The following AMPH variants were observed in gnomAD, a reference collection of about 807,000 sequenced individuals.
AMPH encodes amphiphysin, also known as amphiphysin (Stiff-Mann syndrome with breast cancer 128kD autoantigen).
In AMPH, 49 loss-of-function variants were observed where a neutral mutation model predicts 99.1. The ratio of observed to expected loss-of-function variants is 0.49; its 90% CI spans 0.39 to 0.63. The LOEUF (loss-of-function observed/expected upper bound fraction) is 0.63. AMPH is among the 20% of genes least tolerant of loss of function. The pLI, the probability that AMPH is intolerant of heterozygous loss-of-function variation, is 0.00. For synonymous variants in AMPH, 314 were observed against 317.3 expected, an observed-to-expected ratio of 0.99 and a Z score of 0.11; for missense variants, 759 against 863.4, an observed-to-expected ratio of 0.88 and a Z score of 1.52.
chr7:38,475,365 C>T lies in AMPH; in HGVS notation c.556G>A (p.Asp186Asn), dbSNP rs1364838408. 1 of 1,613,238 alleles carries T rather than the reference C, an allele frequency of 6.2e-7. No homozygotes were observed. The highest frequency in any genetic ancestry group is 8.5e-7 in the Non-Finnish European group (1 of 1,179,554). The change falls in exon 7 of 21, where the codon GAC becomes AAC. Residue 186 changes from aspartate to asparagine, a missense_variant. This residue lies in a region of AMPH where 205 missense variants were observed against 287.9 expected (regional missense o/e 0.71). Coordinates refer to ENST00000356264, the MANE Select transcript of AMPH (RefSeq NM_001635.4). ...AQKVFEEFNV[D>N]LQEELPSLWS... The stretch of plus-strand genomic sequence containing the variant: ...AATGATGGTAACTCTTCTTGTAAGT[C>T]AACGTTAAACTCTTCAAACACTTTC...
intron 6 of AMPH, among the ~76,000 whole-genome samples, chr7:38,475,954 T>C (rs1362396705): frequency 1.3e-5 from 2 of 152,226 alleles, no homozygotes; most frequent in Non-Finnish European, 2.9e-5. Flanking sequence ...GAATTCCAGC[T>C]TACCATGTGA....
intron 17 of AMPH, among the ~76,000 whole-genome samples, chr7:38,410,163 T>TAA (rs1185274415): frequency 1.3e-5 from 2 of 152,238 alleles, no homozygotes; most frequent in Non-Finnish European, 2.9e-5. Context: ...TGCCTGCTGT[T>TAA]ACACCTCAAA....
In AMPH at chr7:38,429,841, C is replaced by T. The variant is rs1450673584; in HGVS notation, c.1182+1G>A. 1.2e-6 allele frequency: 2 copies of T among 1,605,154 alleles called. No individual in the cohort carries two copies. Among genetic ancestry groups the T allele is most frequent in the Non-Finnish European group, 1.7e-6 (2 of 1,177,890 alleles). On this transcript the variant is annotated splice_donor_variant, in intron 14 of 20. Transcript: ENST00000356264. LOFTEE classifies it high-confidence loss of function. ...CCAGAATGATCTGGATATTTACCTA[C>T]CGGCTGTACCAAATCAGTGCTTGTC...
chr7:38,548,871 G>A (rs780958671), intron 1 of AMPH, among the ~76,000 whole-genome samples: 8 of 150,708 alleles, frequency 5.3e-5, no homozygotes, highest in African/African-American at 9.7e-5. Flanking sequence ...CTTTTATTAC[G>A]CAGTTGAGTT....
chr7:38,399,581 T>G (rs939969809), intron 17 of AMPH, among the ~76,000 whole-genome samples: 4 of 152,254 alleles, frequency 2.6e-5, no homozygotes, highest in Admixed American at 6.5e-5. Context: ...GCATTTCAAT[T>G]TGTTAGCTAT....
At chr7:38,484,804 AAC>A (rs150952071) in intron 5 of AMPH, among the ~76,000 whole-genome samples, 3,918 of 152,078 alleles carry the variant, frequency 0.026, 74 homozygotes, top group Admixed American at 0.054. Flanking sequence ...TATTTATGGA[AAC>A]ACAATATAAA....
Position 38,465,528 on chromosome 7 carries a change from C to T in AMPH, c.688G>A (p.Val230Met). 1 of 1,584,460 alleles carries T rather than the reference C, an allele frequency of 6.3e-7. No individual in the cohort carries two copies. The highest frequency in any genetic ancestry group is 1.2e-5 in the South Asian group (1 of 86,696). ...IAVLCHKLYE[V>M]MTKLGDQHAD... ...TGCTGGTCACCCAGTTTTGTCATCA[C>T]TTCATACAGTTTGTGGCAAAGCTAA... The change falls in exon 9 of 21, where the codon GTG becomes ATG. Residue 230 changes from valine to methionine, a missense_variant. Transcript: ENST00000356264.
intron 1 of AMPH, among the ~76,000 whole-genome samples, chr7:38,566,291 C>A (rs1399345795): frequency 7.3e-6 from 1 of 136,734 alleles, no homozygotes; most frequent in African/African-American, 2.7e-5. Context: ...TTAATGTCTT[C>A]TTTTGTCTTG....
intron 1 of AMPH, among the ~76,000 whole-genome samples, chr7:38,592,526 G>A (rs1792892581): frequency 6.6e-6 from 1 of 152,156 alleles, no homozygotes; most frequent in East Asian, 1.9e-4. Flanking sequence ...GAGGTCAGGA[G>A]CTCAAACCAG....
At chr7:38,592,163 C>T (rs1792881231) in intron 1 of AMPH, among the ~76,000 whole-genome samples, 1 of 152,256 alleles carries the variant, frequency 6.6e-6, no homozygotes, top group Non-Finnish European at 1.5e-5. Context: ...GCACAGATCG[C>T]TCATGCTATT....
intron 2 of AMPH, among the ~76,000 whole-genome samples, chr7:38,510,029 C>A (rs950688766): frequency 6.6e-6 from 1 of 152,180 alleles, no homozygotes; most frequent in Non-Finnish European, 1.5e-5. Context: ...TAATCAACAG[C>A]CAGAATGTTT....
chr7:38,582,870 G>C (rs1792515516), intron 1 of AMPH, among the ~76,000 whole-genome samples: 1 of 152,148 alleles, frequency 6.6e-6, no homozygotes, highest in African/African-American at 2.4e-5. Flanking sequence ...ATTTATTCAG[G>C]GCCGGATGTC....
chr7:38,575,594 C>T (rs1323920915), intron 1 of AMPH, among the ~76,000 whole-genome samples: 1 of 152,130 alleles, frequency 6.6e-6, no homozygotes, highest in Non-Finnish European at 1.5e-5. Flanking sequence ...TTCATTTAAA[C>T]CTCTCCTTCC....
chr7:38,629,332 C>T (rs1180462212), intron 1 of AMPH, among the ~76,000 whole-genome samples: 2 of 152,190 alleles, frequency 1.3e-5, no homozygotes, highest in African/African-American at 2.4e-5. Flanking sequence ...AGTGTTTGAA[C>T]CTCTATACTA....
intron 7 of AMPH, among the ~76,000 whole-genome samples, chr7:38,470,153 C>A (rs894265737): frequency 6.6e-6 from 1 of 152,178 alleles, no homozygotes; most frequent in Non-Finnish European, 1.5e-5. Flanking sequence ...CCCCACATAT[C>A]TTCAGTCCTA....
chr7:38,596,393 C>T (rs978610048), intron 1 of AMPH, among the ~76,000 whole-genome samples: 4 of 151,982 alleles, frequency 2.6e-5, no homozygotes, highest in South Asian at 2.1e-4. Flanking sequence ...ATCAGGAGCC[C>T]GGGGAATTAT....
At chr7:38,625,284 G>C (rs1283415241) in intron 1 of AMPH, among the ~76,000 whole-genome samples, 4 of 152,234 alleles carry the variant, frequency 2.6e-5, no homozygotes, top group Middle Eastern at 3.4e-3. Flanking sequence ...ATGAGAAAAT[G>C]AGCAATTACA....
At chr7:38,602,887 A>G (rs1422825170) in intron 1 of AMPH, among the ~76,000 whole-genome samples, 2 of 152,130 alleles carry the variant, frequency 1.3e-5, no homozygotes, top group Non-Finnish European at 1.5e-5. Context: ...AAATTAAGAC[A>G]CATTCTCCAA....
intron 6 of AMPH, among the ~76,000 whole-genome samples, 168 bp from the exon 7 acceptor site, chr7:38,475,584 T>C (rs953705457): frequency 2.0e-5 from 3 of 152,180 alleles, no homozygotes; most frequent in Non-Finnish European, 4.4e-5. Flanking sequence ...CATGAAACAC[T>C]AAGACTCCCT....
Sources: gnomAD v4.1 joint callset for allele counts (sites outside exome capture counted in the v4.1 genomes callset) on GRCh38, gnomAD v4.1.1 for gene constraint, gnomAD v4.1.1 regional missense constraint, MANE v1.5 for transcripts, NCBI Gene and HGNC (gene_info 2026-07-23, HGNC 2026-07-21) for gene names.